The following PLCH1 variants were observed in gnomAD, a reference collection of about 807,000 sequenced individuals.
PLCH1 encodes the protein phospholipase C eta 1, also known as 1-phosphatidylinositol 4,5-bisphosphate phosphodiesterase eta-1.
In PLCH1, 60 loss-of-function variants were observed where a neutral mutation model predicts 126.7. The observed-to-expected ratio is 0.47, with a 90% CI of 0.38 to 0.59. The LOEUF (loss-of-function observed/expected upper bound fraction) is 0.59. PLCH1 is among the 20% of genes least tolerant of loss of function. The pLI, the probability that PLCH1 is intolerant of heterozygous loss-of-function variation, is 0.00. For missense variants in PLCH1, 1,723 were observed against 2,040.0 expected (o/e 0.84, Z 2.99); for synonymous variants, 719 against 734.9 (o/e 0.98, Z 0.35).
chr3:155,636,227 C>A (rs577799437), intron 2 of PLCH1, among the ~76,000 whole-genome samples: 40 of 152,212 alleles, frequency 2.6e-4, no homozygotes, highest in African/African-American at 9.6e-4. Context: ...CAGGACTAGG[C>A]AGATAACCTA....
chr3:155,683,253 CTT>C lies in PLCH1; in HGVS notation c.79+20891_79+20892del, dbSNP rs565451831. On this transcript the variant is annotated intron_variant, in intron 2 of 22. Transcript: ENST00000460012. ...ACTTATTGATCTCCCCTTCGAGACTCTTGGTTTTCATTATTTTTTGAAAGACT... is the reference window on the plus strand; with the variant it reads ...ACTTATTGATCTCCCCTTCGAGACTCGGTTTTCATTATTTTTTGAAAGACT... Among the ~76,000 whole-genome samples, 76 of 152,238 alleles carry C rather than the reference CTT, an allele frequency of 5.0e-4. 2 individuals are homozygous for C. In the South Asian group the frequency reaches 0.015, roughly 30 times the overall value.
intron 2 of PLCH1, among the ~76,000 whole-genome samples, chr3:155,606,206 T>C (rs1734338719): frequency 6.6e-6 from 1 of 152,194 alleles, no homozygotes; most frequent in African/African-American, 2.4e-5. Flanking sequence ...CATTGAATTG[T>C]TTCTCCATTT....
intron 2 of PLCH1, among the ~76,000 whole-genome samples, chr3:155,618,507 T>C (rs1472134326): frequency 6.6e-6 from 1 of 152,210 alleles, no homozygotes; most frequent in African/African-American, 2.4e-5. Context: ...CTCCATTCTT[T>C]AACAATAAAA....
chr3:155,497,514 T>A, intron 14 of PLCH1, 97 bp from the exon 15 acceptor site: 1 of 846,082 alleles, frequency 1.2e-6, no homozygotes, highest in South Asian at 1.5e-5. Flanking sequence ...AATGATTTAA[T>A]AGGGAATACC....
chr3:155,482,832 T>C lies in PLCH1; in HGVS notation c.3194A>G (p.Asn1065Ser), dbSNP rs999118991. The change falls in exon 23 of 23, where the codon AAT becomes AGT. Residue 1065 changes from asparagine (N) to serine (S), a missense_variant. Around this residue, in one of 2 missense-constraint regions of PLCH1, gnomAD observed 947 missense variants for 977.1 expected, o/e 0.97. Transcript: ENST00000460012. ...GGRTTSNATSNCQENPCPSKS... is the reference protein window; with the variant it reads ...GGRTTSNATSSCQENPCPSKS... Reference sequence around the variant, plus strand: ...GCTGGGACAGGGGTTTTCCTGGCAATTGCTTGTGGCATTTGATGTGGTTCT... The same window carrying C: ...GCTGGGACAGGGGTTTTCCTGGCAACTGCTTGTGGCATTTGATGTGGTTCT... 8 of 1,614,020 alleles carry C rather than the reference T, an allele frequency of 5.0e-6. No homozygotes were observed. Among genetic ancestry groups the C allele is most frequent in the African/African-American group, 1.3e-5 (1 of 74,898 alleles).
intron 1 of PLCH1, among the ~76,000 whole-genome samples, chr3:155,712,555 G>GAA (rs55661409): frequency 0.016 from 2,460 of 149,922 alleles, 25 homozygotes; most frequent in South Asian, 0.039. Context: ...GTGCTAAAAA[G>GAA]AAAAAAAAAG....
chr3:155,565,183 G>A (rs1454172047), intron 7 of PLCH1, 65 bp from the exon 8 acceptor site: 14 of 1,002,110 alleles, frequency 1.4e-5, no homozygotes, highest in East Asian at 7.4e-5. Context: ...GCTCTAAGAG[G>A]GGCAAAAGGG....
At chr3:155,602,554 G>A (rs1172539381) in intron 2 of PLCH1, among the ~76,000 whole-genome samples, 1 of 152,154 alleles carries the variant, frequency 6.6e-6, no homozygotes, top group Non-Finnish European at 1.5e-5. Flanking sequence ...TATTCACACA[G>A]ACCTAGATTG....
intron 1 of PLCH1, among the ~76,000 whole-genome samples, chr3:155,707,196 G>A (rs549114709): frequency 1.3e-5 from 2 of 152,268 alleles, no homozygotes; most frequent in East Asian, 1.9e-4. Context: ...CCAGAATTGT[G>A]AGAAATAAAT....
chr3:155,599,956 A>G (rs925055945), intron 2 of PLCH1, among the ~76,000 whole-genome samples: 1 of 152,194 alleles, frequency 6.6e-6, no homozygotes, highest in Non-Finnish European at 1.5e-5. Context: ...AAATCATATA[A>G]TATGATTTCT....
intron 2 of PLCH1, among the ~76,000 whole-genome samples, chr3:155,646,899 C>T (rs1329044563): frequency 2.0e-5 from 3 of 152,174 alleles, no homozygotes; most frequent in Non-Finnish European, 2.9e-5. Context: ...ACAATACATA[C>T]CTGTGGTTGT....
intron 2 of PLCH1, among the ~76,000 whole-genome samples, chr3:155,684,804 T>C (rs992565575): frequency 1.3e-5 from 2 of 152,212 alleles, no homozygotes; most frequent in African/African-American, 2.4e-5. Flanking sequence ...GTCTCTCCCT[T>C]GATGAAAGAG....
At chr3:155,667,922 A>AG (rs1388555422) in intron 2 of PLCH1, among the ~76,000 whole-genome samples, 2 of 149,444 alleles carry the variant, frequency 1.3e-5, no homozygotes, top group Admixed American at 6.6e-5. Context: ...AAAAAAAAAA[A>AG]AAAAATACAA....
intron 6 of PLCH1, 45 bp downstream of exon 6, chr3:155,583,427 A>G (rs970566203): frequency 2.8e-6 from 4 of 1,437,774 alleles, no homozygotes; most frequent in Admixed American, 2.3e-5. Flanking sequence ...CATATCTTTC[A>G]TGAGTACTTT....
At chr3:155,737,085 A>G (rs535291895) in intron 1 of PLCH1, among the ~76,000 whole-genome samples, 1 of 151,746 alleles carries the variant, frequency 6.6e-6, no homozygotes, top group South Asian at 2.1e-4. Context: ...AAAAGAAATT[A>G]GCCGGGCGTG....
chr3:155,605,385 T>TA (rs1734229431), intron 2 of PLCH1, among the ~76,000 whole-genome samples: 3 of 152,160 alleles, frequency 2.0e-5, no homozygotes. Flanking sequence ...TGTATGATTT[T>TA]AAAAAATAAA....
At chr3:155,676,840 T>TAAA (rs10673783) in intron 2 of PLCH1, among the ~76,000 whole-genome samples, 1 of 150,320 alleles carries the variant, frequency 6.7e-6, no homozygotes, top group African/African-American at 2.4e-5. Flanking sequence ...TTCTCATGTT[T>TAAA]AAAAAAAAAA....
At chr3:155,685,784 A>T (rs1436207442) in intron 2 of PLCH1, among the ~76,000 whole-genome samples, 1 of 152,180 alleles carries the variant, frequency 6.6e-6, no homozygotes, top group Non-Finnish European at 1.5e-5. Flanking sequence ...GAAAACATGG[A>T]GACTTTTCCC....
chr3:155,482,915 A>T lies in PLCH1; in HGVS notation c.3111T>A (p.Ser1037=). 1 of 1,614,178 alleles carries T rather than the reference A, an allele frequency of 6.2e-7. No individual in the cohort carries two copies. The highest frequency in any genetic ancestry group is 8.5e-7 in the Non-Finnish European group (1 of 1,180,028). The change falls in exon 23 of 23, where the codon TCT becomes TCA. Residue 1037 remains serine, a synonymous_variant. Coordinates refer to ENST00000460012, the MANE Select transcript of PLCH1 (RefSeq NM_014996.4). ...CTCCTGTGACTGACATGTGGGCAGTAGATACAATGGTGTCCCCTTGGCTGG... is the reference window on the plus strand; with the variant it reads ...CTCCTGTGACTGACATGTGGGCAGTTGATACAATGGTGTCCCCTTGGCTGG... ...KDTSQGDTIV[S]TAHMSVTGEQ...
Sources: gnomAD v4.1 joint callset for allele counts (sites outside exome capture counted in the v4.1 genomes callset) on GRCh38, gnomAD v4.1.1 for gene constraint, gnomAD v4.1.1 regional missense constraint, MANE v1.5 for transcripts, NCBI Gene and HGNC (gene_info 2026-07-23, HGNC 2026-07-21) for gene names.